The following DHX57 variants were observed in gnomAD, a reference collection of about 807,000 sequenced individuals.
The protein encoded by DHX57 is DExH-box helicase 57.
DHX57 carries 105 observed loss-of-function variants against 156.2 expected under a neutral mutation model. The ratio of observed to expected loss-of-function variants is 0.67; its 90% CI spans 0.57 to 0.79. The LOEUF is 0.79. DHX57 is among the 30% of genes least tolerant of loss of function. The probability of loss-of-function intolerance (pLI) is 0.00; values close to 1 mark genes in which losing one functional copy is unlikely to be tolerated. For missense variants in DHX57, 1,847 were observed against 1,661.9 expected, an observed-to-expected ratio of 1.11 and a Z score of -1.94; for synonymous variants, 704 against 595.6, an observed-to-expected ratio of 1.18 and a Z score of -2.65.
In DHX57 at chr2:38,802,573, C is replaced by A; in HGVS notation, c.4017+142G>T. 4 of 1,022,668 alleles carry A rather than the reference C, an allele frequency of 3.9e-6. 1 individual carries two copies. Among genetic ancestry groups the A allele is most frequent in the Non-Finnish European group, 5.6e-6 (4 of 710,850 alleles). 63.3% of individuals were successfully genotyped at this position (1,022,668 alleles called of 1,614,324 possible). A position where few individuals can be genotyped will look rare whatever the true frequency, so the allele number is the denominator to read the frequency against. On this transcript the variant is annotated intron_variant, in intron 23 of 23. Coordinates refer to ENST00000457308, the MANE Select transcript of DHX57 (RefSeq NM_198963.3). ...AAAGTGCTGGGATTATAGGTGTGAG[C>A]CACTGGGCTCGGCCACCGTCATTCA...
chr2:38,830,319 T>C (rs767360006), intron 13 of DHX57, among the ~76,000 whole-genome samples: 10 of 152,072 alleles, frequency 6.6e-5, no homozygotes, highest in South Asian at 2.1e-4. Context: ...TTAATCCTCA[T>C]AGCCATCCAT....
chr2:38,802,742 C>G lies in DHX57; in HGVS notation c.3990G>C (p.Trp1330Cys). Residue 1330 changes from tryptophan to cysteine, a missense_variant, in exon 23 of 24, where the codon TGG becomes TGC. By Grantham distance (215) the Trp-to-Cys change is radical (BLOSUM62 -2). Coordinates refer to ENST00000457308, the MANE Select transcript of DHX57 (RefSeq NM_198963.3). ...GEFVVSLDDGWIRFVAASHQV... is the reference protein window; with the variant it reads ...GEFVVSLDDGCIRFVAASHQV... ...GATGGGAAGCAGCTACAAAACGGAT[C>G]CAACCATCATCCAGGGAGACAACGA... The G allele has an allele frequency of 6.2e-7, 1 of 1,614,132 alleles. No individual in the cohort carries two copies. Among genetic ancestry groups the G allele is most frequent in the Non-Finnish European group, 8.5e-7 (1 of 1,180,024 alleles).
Position 38,863,498 on chromosome 2 carries a change from G to T in DHX57, c.246C>A (p.Ser82Arg), listed in dbSNP as rs747392970. 6.8e-6 allele frequency: 11 copies of T among 1,613,752 alleles called. No individual in the cohort carries two copies. The highest frequency in any genetic ancestry group is 9.3e-6 in the Non-Finnish European group (11 of 1,179,954). The part of the protein sequence containing the change: ...RPSRPSNSNI[S>R]KGESRPKWKP... Reference sequence around the variant, plus strand: ...TCCATTTTGGGCGTGACTCTCCTTTGCTTATGTTACTGTTGCTAGGTCTAT... The same window carrying T: ...TCCATTTTGGGCGTGACTCTCCTTTTCTTATGTTACTGTTGCTAGGTCTAT... The change falls in exon 3 of 24, where the codon AGC becomes AGA. Residue 82 changes from serine to arginine, a missense_variant. Ser to Arg is a moderately radical substitution (Grantham distance 110). Coordinates refer to ENST00000457308, the MANE Select transcript of DHX57 (RefSeq NM_198963.3).
At chr2:38,829,754 T>C (rs1671287723) in intron 13 of DHX57, among the ~76,000 whole-genome samples, 1 of 152,260 alleles carries the variant, frequency 6.6e-6, no homozygotes, top group South Asian at 2.1e-4. Flanking sequence ...GTTATTCTCC[T>C]AACCTTATAA....
At chr2:38,816,122 G>C in intron 19 of DHX57, 1 of 471,436 alleles carries the variant, frequency 2.1e-6, no homozygotes, top group South Asian at 1.5e-5. Flanking sequence ...CGTGCTCTCA[G>C]TGGAACTCAG....
At chr2:38,802,638 C>T (rs1669740076) in intron 23 of DHX57, 77 bp downstream of exon 23, 6 of 1,558,296 alleles carry the variant, frequency 3.9e-6, no homozygotes, top group East Asian at 2.2e-5. Flanking sequence ...TAGAGGAATG[C>T]CCTTGACTTC....
chr2:38,837,493 C>T (rs1169216788), intron 13 of DHX57, among the ~76,000 whole-genome samples: 5 of 150,786 alleles, frequency 3.3e-5, no homozygotes, highest in African/African-American at 1.2e-4. Flanking sequence ...TGCTTGTAAT[C>T]CCAGCTACTC....
chr2:38,862,991 A>G (rs1673313821), intron 3 of DHX57: 1 of 171,440 alleles, frequency 5.8e-6, no homozygotes, highest in East Asian at 1.6e-4. Context: ...TCTCTTAGGC[A>G]GACAGTCATG....
intron 1 of DHX57, among the ~76,000 whole-genome samples, chr2:38,874,978 A>T (rs1346872720): frequency 6.6e-6 from 1 of 152,210 alleles, no homozygotes; most frequent in Admixed American, 6.5e-5. Context: ...AGCCCAGGTA[A>T]ATTTGTGTAC....
At position 38,848,257 on chromosome 2, in the gene DHX57, C is replaced by A. The variant is rs769415729; in HGVS notation, c.2164+12G>T. 6.4e-7 allele frequency: 1 copy of A among 1,567,442 alleles called. No homozygotes were observed. The highest frequency in any genetic ancestry group is 1.2e-5 in the South Asian group (1 of 82,948). ...TTAGAATGATACATATTTAATGATGCATTTTATTCACCTGGTATAGTAATA... is the reference window on the plus strand; with the variant it reads ...TTAGAATGATACATATTTAATGATGAATTTTATTCACCTGGTATAGTAATA... On this transcript the variant is annotated intron_variant, in intron 10 of 23. Coordinates refer to ENST00000457308, the MANE Select transcript of DHX57 (RefSeq NM_198963.3).
chr2:38,832,298 G>C (rs1209942655), intron 13 of DHX57, among the ~76,000 whole-genome samples: 38 of 151,794 alleles, frequency 2.5e-4, no homozygotes, highest in Non-Finnish European at 1.5e-5. Context: ...AAATTAGCTG[G>C]GTGTGGTGGC....
At chr2:38,807,325 A>C (rs936334981) in intron 21 of DHX57, among the ~76,000 whole-genome samples, 2 of 151,550 alleles carry the variant, frequency 1.3e-5, no homozygotes, top group African/African-American at 2.4e-5. Flanking sequence ...AAAGTGCTGG[A>C]TTACAGGCGT....
intron 2 of DHX57, among the ~76,000 whole-genome samples, chr2:38,865,085 C>T (rs1664994804): frequency 6.6e-6 from 1 of 152,232 alleles, no homozygotes; most frequent in South Asian, 2.1e-4. Flanking sequence ...GCAGCTCCTT[C>T]TCAATCCCCT....
chr2:38,875,265 A>G (rs959093688), intron 1 of DHX57, among the ~76,000 whole-genome samples: 1 of 152,184 alleles, frequency 6.6e-6, no homozygotes, highest in African/African-American at 2.4e-5. Flanking sequence ...GGATACAGGG[A>G]CCTAAGTTTG....
intron 16 of DHX57, among the ~76,000 whole-genome samples, chr2:38,823,537 G>C (rs1440915339): frequency 6.6e-6 from 1 of 152,096 alleles, no homozygotes; most frequent in Admixed American, 6.5e-5. Context: ...CATGACAAAA[G>C]ATAATAAGTG....
chr2:38,844,931 G>A (rs1475283408), intron 11 of DHX57, among the ~76,000 whole-genome samples: 1 of 152,168 alleles, frequency 6.6e-6, no homozygotes, highest in South Asian at 2.1e-4. Context: ...AAGTGTGAGT[G>A]ATAGGGAACC....
At chr2:38,807,734 G>C (rs529456454) in intron 21 of DHX57, among the ~76,000 whole-genome samples, 1 of 151,704 alleles carries the variant, frequency 6.6e-6, no homozygotes, top group East Asian at 1.9e-4. Flanking sequence ...TGCAACCTCC[G>C]CCTCCTGGGT....
At chr2:38,857,671 C>T (rs1672969963) in intron 6 of DHX57, among the ~76,000 whole-genome samples, 1 of 152,150 alleles carries the variant, frequency 6.6e-6, no homozygotes, top group Admixed American at 6.5e-5. Flanking sequence ...AAGCAACTTG[C>T]CTCTGTCCTA....
At chr2:38,820,247 T>A (rs1670743630) in intron 17 of DHX57, among the ~76,000 whole-genome samples, 1 of 152,134 alleles carries the variant, frequency 6.6e-6, no homozygotes, top group South Asian at 2.1e-4. Context: ...GGGAGATTAA[T>A]ATTATGTTTA....
Sources: allele counts gnomAD v4.1 joint callset (sites outside exome capture counted in the v4.1 genomes callset), GRCh38; gene constraint gnomAD v4.1.1; transcripts MANE v1.5; gene names NCBI Gene and HGNC (gene_info 2026-07-23, HGNC 2026-07-21).